Variants in WDR97 observed in about 807,000 individuals in gnomAD.
The protein encoded by WDR97 is WD repeat domain 97.
A neutral mutation model predicts 65.4 loss-of-function variants in WDR97; 111 were observed. That is an observed-to-expected ratio of 1.70 (90% CI 1.45 to 1.99). WDR97 has a LOEUF of 1.99. Ranked by LOEUF, WDR97 falls within the 30% of genes most tolerant of loss-of-function variation. The pLI is 0.00. For missense variants in WDR97, 1,674 were observed against 865.0 expected, an observed-to-expected ratio of 1.94 and a Z score of -11.73; for synonymous variants, 802 against 397.7, an observed-to-expected ratio of 2.02 and a Z score of -12.10.
At position 144,116,110 on chromosome 8, in the gene WDR97, C is replaced by T. The variant is rs1261023158; in HGVS notation, c.4686C>T (p.Leu1562=). 4 of 695,984 alleles carry T rather than the reference C, an allele frequency of 5.7e-6. No individual in the cohort carries two copies. The Admixed American group carries it at 6.0e-5, about 11-fold the overall frequency. 43.1% of individuals were successfully genotyped at this position (695,984 alleles called of 1,614,324 possible). A position where few individuals can be genotyped will look rare whatever the true frequency, so the allele number is the denominator to read the frequency against. ...MRLRGPMRSR[L]CAGRTLDGPI... ...CCCCAGGCCCCATGCGGTCCCGGCT[C>T]TGTGCGGGCCGCACCCTGGACGGCC... The change falls in exon 24 of 24, where the codon CTC becomes CTT. Residue 1562 remains leucine, a synonymous_variant. Transcript: ENST00000323662.
Position 144,114,748 on chromosome 8 carries a change from G to A in WDR97, c.3915-1G>A. 2 of 701,988 alleles carry A rather than the reference G, an allele frequency of 2.8e-6. No homozygotes were observed. Among genetic ancestry groups the A allele is most frequent in the Non-Finnish European group, 5.2e-6 (2 of 384,532 alleles). 43.5% of individuals were successfully genotyped at this position (701,988 alleles called of 1,614,324 possible). Reference sequence around the variant, plus strand: ...GGACAAGCCACATGCACCTGTCCCAGGCCAGAGCTCAAGAAGCTGCTGCAC... The same window carrying A: ...GGACAAGCCACATGCACCTGTCCCAAGCCAGAGCTCAAGAAGCTGCTGCAC... On this transcript the variant is annotated splice_acceptor_variant, in intron 20 of 23. Coordinates refer to ENST00000323662, the MANE Select transcript of WDR97 (RefSeq NM_001316309.2). LOFTEE classifies it high-confidence loss of function.
rs773204252 is a variant in WDR97, at chr8:144,116,116, G to A, written c.4692G>A (p.Ala1564=). 5 of 697,354 alleles carry A rather than the reference G, an allele frequency of 7.2e-6. No individual in the cohort carries two copies. In the South Asian group the frequency reaches 7.5e-5, roughly 10 times the overall value. The allele number at this position is 697,354 out of a possible 1,614,324, so 43.2% of individuals were successfully genotyped here. Residue 1564 remains alanine, a synonymous_variant, in exon 24 of 24, where the codon GCG becomes GCA. Transcript: ENST00000323662. ...LRGPMRSRLC[A]GRTLDGPIRT... is the part of the protein sequence containing the mutation. ...GCCCCATGCGGTCCCGGCTCTGTGC[G>A]GGCCGCACCCTGGACGGCCCCATCC...
At position 144,116,204 on chromosome 8, in the gene WDR97, C is replaced by A. The variant is rs1836662830; in HGVS notation, c.4780C>A (p.Pro1594Thr). ...GCCTTTCCCCCTGGACTGGCCTATGCCCCCGCGCCCGCTGCCCCCGCGGCT... is the reference window on the plus strand; with the variant it reads ...GCCTTTCCCCCTGGACTGGCCTATGACCCCGCGCCCGCTGCCCCCGCGGCT... ...PQPFPLDWPM[P>T]PRPLPPRLLQ... The change falls in exon 24 of 24, where the codon CCC becomes ACC. Residue 1594 changes from proline to threonine, a missense_variant. Pro to Thr is a conservative substitution (Grantham distance 38). Coordinates refer to ENST00000323662, the MANE Select transcript of WDR97 (RefSeq NM_001316309.2). 2 of 689,010 alleles carry A rather than the reference C, an allele frequency of 2.9e-6. No homozygotes were observed. Among genetic ancestry groups the A allele is most frequent in the Non-Finnish European group, 2.6e-6 (1 of 378,340 alleles). 42.7% of individuals were successfully genotyped at this position (689,010 alleles called of 1,614,324 possible).
intron 11 of WDR97, 50 bp downstream of exon 11, chr8:144,111,536 G>A (rs983761911): frequency 3.7e-5 from 26 of 696,376 alleles, no homozygotes; most frequent in Admixed American, 3.2e-4. Flanking sequence ...GGCCCCAGCC[G>A]TCAGCCCTGG....
At position 144,113,893 on chromosome 8, in the gene WDR97, G is replaced by A. The variant is rs986688873; in HGVS notation, c.3408+12G>A. ...AACTGGAGGATCAGGTAGAGGCTCAGGCAGAGGCCCCAGGCCACCACGGGA... is the reference window on the plus strand; with the variant it reads ...AACTGGAGGATCAGGTAGAGGCTCAAGCAGAGGCCCCAGGCCACCACGGGA... On this transcript the variant is annotated intron_variant, in intron 17 of 23. Coordinates refer to ENST00000323662, the MANE Select transcript of WDR97 (RefSeq NM_001316309.2). The A allele has an allele frequency of 2.9e-6, 2 of 687,846 alleles. No homozygotes were observed. Among genetic ancestry groups the A allele is most frequent in the African/African-American group, 1.8e-5 (1 of 56,950 alleles). The allele number at this position is 687,846 out of a possible 1,614,324, so 42.6% of individuals were successfully genotyped here.
Position 144,113,448 on chromosome 8 carries a change from G to A in WDR97, c.3114G>A (p.Leu1038=), listed in dbSNP as rs1360149258. The A allele has an allele frequency of 2.8e-6, 2 of 702,382 alleles. No homozygotes were observed. The highest frequency in any genetic ancestry group is 5.2e-6 in the Non-Finnish European group (2 of 384,898). 43.5% of individuals were successfully genotyped at this position (702,382 alleles called of 1,614,324 possible). A position where few individuals can be genotyped will look rare whatever the true frequency, so the allele number is the denominator to read the frequency against. The change falls in exon 16 of 24, where the codon CTG becomes CTA. Residue 1038 remains leucine (L), a synonymous_variant. Transcript: ENST00000323662. ...GCTGTGCCCACCTCCAGCACTGCCT[G>A]AGGCCCATCTGCTTCCCCGGCTATG... is the stretch of plus-strand genomic sequence containing the variant. ...PATVQPHKHC[L]RPICFPGYVP... is the part of the protein sequence containing the mutation.
Position 144,116,188 on chromosome 8 carries a change from C to T in WDR97, c.4764C>T (p.Pro1588=), listed in dbSNP as rs1455686418. The T allele has an allele frequency of 1.4e-6, 1 of 699,620 alleles. No homozygotes were observed. The highest frequency in any genetic ancestry group is 1.8e-5 in the African/African-American group (1 of 57,134). 43.3% of individuals were successfully genotyped at this position (699,620 alleles called of 1,614,324 possible). ...CGCGTGTGGAGCCGCAGCCTTTCCC[C>T]CTGGACTGGCCTATGCCCCCGCGCC... The part of the protein sequence containing the change: ...PLPRVEPQPF[P]LDWPMPPRPL... Residue 1588 remains proline (P), a synonymous_variant, in exon 24 of 24, where the codon CCC becomes CCT. Coordinates refer to ENST00000323662, the MANE Select transcript of WDR97 (RefSeq NM_001316309.2).
In WDR97 at chr8:144,114,085, G is replaced by C. The variant is rs1467221615; in HGVS notation, c.3517G>C (p.Gly1173Arg). 2 of 702,712 alleles carry C rather than the reference G, an allele frequency of 2.8e-6. No individual in the cohort carries two copies. Among genetic ancestry groups the C allele is most frequent in the Non-Finnish European group, 5.2e-6 (2 of 385,006 alleles). 43.5% of individuals were successfully genotyped at this position (702,712 alleles called of 1,614,324 possible). A position where few individuals can be genotyped will look rare whatever the true frequency, so the allele number is the denominator to read the frequency against. ...GAGTTTGCTCTTGGATGAGCATTAC[G>C]GGCATCTGCCCAAGTTTCTGCATTT... ...HGSLLLDEHY[G>R]HLPKFLHFFI... Residue 1173 changes from glycine (G) to arginine (R), a missense_variant, in exon 18 of 24, where the codon GGG (glycine) becomes CGG (arginine). By Grantham distance (125) the Gly-to-Arg change is moderately radical. Transcript: ENST00000323662.
rs961142711 is a variant in WDR97 at position 144,108,795 on chromosome 8, G to A, written c.729G>A (p.Pro243=). ...GAGGGTCAGCACTGCACCCGCCCCCGAGCCCAACAGGCAGGCTCATGCGTC... is the reference window on the plus strand; with the variant it reads ...GAGGGTCAGCACTGCACCCGCCCCCAAGCCCAACAGGCAGGCTCATGCGTC... The part of the protein sequence containing the change: ...VLRGSALHPP[P]SPTGRLMRLA... Residue 243 remains proline (P), a synonymous_variant, in exon 3 of 24, where the codon CCG becomes CCA. Coordinates refer to ENST00000323662, the MANE Select transcript of WDR97 (RefSeq NM_001316309.2). The A allele has an allele frequency of 2.1e-5, 15 of 702,526 alleles. No homozygotes were observed. The African/African-American group carries it at 2.3e-4, about 11-fold the overall frequency. The allele number at this position is 702,526 out of a possible 1,614,324, so 43.5% of individuals were successfully genotyped here. A position where few individuals can be genotyped will look rare whatever the true frequency, so the allele number is the denominator to read the frequency against.
In WDR97 at chr8:144,117,017, T is replaced by C. The variant is rs966979216; in HGVS notation, c.*724T>C. On this transcript the variant is annotated 3_prime_UTR_variant, in exon 24 of 24. Coordinates refer to ENST00000323662, the MANE Select transcript of WDR97 (RefSeq NM_001316309.2). ...CCTGTCTTTTGTGTTGTCTGAGCAG[T>C]GATTTCCCTCCTGTATCTGTAGCCT... 3 of 152,352 alleles carry C rather than the reference T, an allele frequency of 2.0e-5. No homozygotes were observed. Among genetic ancestry groups the C allele is most frequent in the Admixed American group, 2.0e-4 (3 of 15,284 alleles). The allele number at this position is 152,352 out of a possible 1,614,324, so 9.4% of individuals were successfully genotyped here.
rs530342223 is a variant in WDR97 at position 144,114,930 on chromosome 8, G to C, written c.4077+19G>C. 1.2e-4 allele frequency: 80 copies of C among 667,642 alleles called. No individual in the cohort carries two copies. The African/African-American group carries it at 1.2e-3, about 10-fold the overall frequency. 41.4% of individuals were successfully genotyped at this position (667,642 alleles called of 1,614,324 possible). A position where few individuals can be genotyped will look rare whatever the true frequency, so the allele number is the denominator to read the frequency against. ...GCTTCAGGTTGGGCCGGCAGGGGCC[G>C]GGGGGGCCTTGGGAACCCTGTTGCC... On this transcript the variant is annotated intron_variant, in intron 21 of 23. Coordinates refer to ENST00000323662, the MANE Select transcript of WDR97 (RefSeq NM_001316309.2).
chr8:144,112,225 T>G lies in WDR97; in HGVS notation c.2897T>G (p.Leu966Arg). 1.4e-6 allele frequency: 1 copy of G among 702,598 alleles called. No homozygotes were observed. Among genetic ancestry groups the G allele is most frequent in the South Asian group, 1.5e-5 (1 of 67,596 alleles). The allele number at this position is 702,598 out of a possible 1,614,324, so 43.5% of individuals were successfully genotyped here. A position where few individuals can be genotyped will look rare whatever the true frequency, so the allele number is the denominator to read the frequency against. Residue 966 changes from leucine (L) to arginine (R), a missense_variant and splice_region_variant, in exon 14 of 24, where the codon CTT becomes CGT. Leu to Arg is a moderately radical substitution (Grantham distance 102). Coordinates refer to ENST00000323662, the MANE Select transcript of WDR97 (RefSeq NM_001316309.2). Reference protein sequence around the residue: ...HRRVHSKASQLLARSSLSHYL... With the variant: ...HRRVHSKASQRLARSSLSHYL... ...CCTGTGACTCCTCCTATGCCCCAGC[T>G]TCTGGCCCGCTCCTCACTGAGCCAC...
At position 144,108,492 on chromosome 8, in the gene WDR97, G is replaced by A. The variant is rs1398355251; in HGVS notation, c.426G>A (p.Glu142=). Residue 142 remains glutamate, a synonymous_variant, in exon 3 of 24, where the codon GAG becomes GAA. Transcript: ENST00000323662. ...ACAAGGAAGACGGCTGGGCACAGGA[G>A]ACGCTGCTGGCGCCTGTCCGGCTTA... ...HLHKEDGWAQ[E]TLLAPVRLTG... 1 of 700,820 alleles carries A rather than the reference G, an allele frequency of 1.4e-6. No homozygotes were observed. The highest frequency in any genetic ancestry group is 2.7e-5 in the East Asian group (1 of 37,254). 43.4% of individuals were successfully genotyped at this position (700,820 alleles called of 1,614,324 possible).
chr8:144,116,559 C>T lies in WDR97; in HGVS notation c.*266C>T, dbSNP rs141356496. The T allele has an allele frequency of 4.7e-3, 1,959 of 415,126 alleles. 12 individuals carry two copies. Among genetic ancestry groups the T allele is most frequent in the Non-Finnish European group, 6.9e-3 (1,613 of 234,520 alleles). The allele number at this position is 415,126 out of a possible 1,614,324, so 25.7% of individuals were successfully genotyped here. The stretch of plus-strand genomic sequence containing the variant: ...GGCCTAGGGCAGAGGAGACCCATAG[C>T]GGGGTACCATCCGCTGGGCACTGAG... On this transcript the variant is annotated 3_prime_UTR_variant, in exon 24 of 24. Transcript: ENST00000323662.
chr8:144,114,655 C>G lies in WDR97; in HGVS notation c.3894C>G (p.Leu1298=), dbSNP rs1836615711. 1.4e-6 allele frequency: 1 copy of G among 702,882 alleles called. No homozygotes were observed. The highest frequency in any genetic ancestry group is 2.6e-6 in the Non-Finnish European group (1 of 385,004). The allele number at this position is 702,882 out of a possible 1,614,324, so 43.5% of individuals were successfully genotyped here. ...DVVLELMSYF[L]YSPVHCRPEL... ...TGCTGGAGCTCATGTCCTACTTCCT[C>G]TACTCTCCCGTGCACTGCCGGTGAG... Residue 1298 remains leucine (L), a synonymous_variant, in exon 20 of 24, where the codon CTC becomes CTG. Transcript: ENST00000323662.
At position 144,112,049 on chromosome 8, in the gene WDR97, G is replaced by T. The variant is rs1271861891; in HGVS notation, c.2800G>T (p.Asp934Tyr). The T allele has an allele frequency of 7.1e-6, 5 of 702,602 alleles. No homozygotes were observed. Among genetic ancestry groups the T allele is most frequent in the Non-Finnish European group, 1.3e-5 (5 of 384,992 alleles). 43.5% of individuals were successfully genotyped at this position (702,602 alleles called of 1,614,324 possible). The change falls in exon 13 of 24, where the codon GAC (aspartate) becomes TAC (tyrosine). Residue 934 changes from aspartate (D) to tyrosine (Y), a missense_variant. Asp to Tyr is a radical substitution (Grantham distance 160, BLOSUM62 -3). Transcript: ENST00000323662. ...AGTGCCAACAGCCCTGTCCCCACAG[G>T]ACCTGGGAGCCCTGGGCCAGCACTT... ...QTVPTALSPQ[D>Y]LGALGQHFSQ...
chr8:144,110,233 C>T lies in WDR97; in HGVS notation c.1820C>T (p.Thr607Ile). Reference protein sequence around the residue: ...SPGPVVAIASTWNSIVSSGGD... With the variant: ...SPGPVVAIASIWNSIVSSGGD... ...GGCCCGGTTGTCGCCATCGCATCCACCTGGAACAGCATTGTGTCTTCGGGT... is the reference window on the plus strand; with the variant it reads ...GGCCCGGTTGTCGCCATCGCATCCATCTGGAACAGCATTGTGTCTTCGGGT... The change falls in exon 6 of 24, where the codon ACC becomes ATC. Residue 607 changes from threonine to isoleucine, a missense_variant. By Grantham distance (89) the Thr-to-Ile change is moderately conservative. Transcript: ENST00000323662. 1 of 702,946 alleles carries T rather than the reference C, an allele frequency of 1.4e-6. No individual in the cohort carries two copies. The highest frequency in any genetic ancestry group is 2.6e-6 in the Non-Finnish European group (1 of 384,982). 43.5% of individuals were successfully genotyped at this position (702,946 alleles called of 1,614,324 possible). A position where few individuals can be genotyped will look rare whatever the true frequency, so the allele number is the denominator to read the frequency against.
At chr8:144,113,340 T>A (rs1464609280) in intron 15 of WDR97, 100 bp from the exon 16 acceptor site, 6 of 686,564 alleles carry the variant, frequency 8.7e-6, no homozygotes, top group African/African-American at 1.8e-5. Context: ...AGAGCTGGAC[T>A]GGCGGCTGAG....
In WDR97 at chr8:144,109,481, C is replaced by T. The variant is rs1255670619; in HGVS notation, c.1147C>T (p.Arg383Trp). The change falls in exon 5 of 24, where the codon CGG becomes TGG. Residue 383 changes from arginine to tryptophan, a missense_variant. Arg to Trp is a moderately radical substitution (Grantham distance 101). Coordinates refer to ENST00000323662, the MANE Select transcript of WDR97 (RefSeq NM_001316309.2). ...LGFWGQDKLSRRVGRLLAPVR... is the reference protein window; with the variant it reads ...LGFWGQDKLSWRVGRLLAPVR... ...CTTCTGGGGCCAGGACAAGCTGTCC[C>T]GGCGCGTGGGCCGTCTGCTGGCGCC... 2.9e-6 allele frequency: 2 copies of T among 697,826 alleles called. No individual in the cohort carries two copies. Among genetic ancestry groups the T allele is most frequent in the South Asian group, 1.5e-5 (1 of 67,208 alleles). The allele number at this position is 697,826 out of a possible 1,614,324, so 43.2% of individuals were successfully genotyped here. A position where few individuals can be genotyped will look rare whatever the true frequency, so the allele number is the denominator to read the frequency against.
Sources: gnomAD v4.1 joint callset for allele counts on GRCh38, gnomAD v4.1.1 for gene constraint, MANE v1.5 for transcripts, NCBI Gene and HGNC (gene_info 2026-07-23, HGNC 2026-07-21) for gene names.